Variants in CACNA1E observed in about 807,000 individuals in gnomAD.
The protein encoded by CACNA1E is calcium voltage-gated channel subunit alpha1 E, also known as voltage-dependent R-type calcium channel subunit alpha-1E.
CACNA1E carries 40 observed loss-of-function variants against 259.2 expected under a neutral mutation model. The ratio of observed to expected loss-of-function variants is 0.15; its 90% CI spans 0.12 to 0.20. The LOEUF is 0.20. Ranked by LOEUF, CACNA1E falls within the 10% of genes least tolerant of loss-of-function variation. The pLI, the probability that CACNA1E is intolerant of heterozygous loss-of-function variation, is 1.00. For synonymous variants in CACNA1E, 1,104 were observed against 1,138.5 expected, an observed-to-expected ratio of 0.97 and a Z score of 0.61; for missense variants, 1,874 against 3,040.1, an observed-to-expected ratio of 0.62 and a Z score of 9.02.
intron 7 of CACNA1E, among the ~76,000 whole-genome samples, chr1:181,664,532 C>T (rs1030725992): frequency 3.8e-4 from 58 of 152,128 alleles, no homozygotes; most frequent in African/African-American, 1.4e-3. Flanking sequence ...GTATTGATAA[C>T]GCTATGGGCT....
At chr1:181,728,194 T>C (rs1278355708) in intron 18 of CACNA1E, among the ~76,000 whole-genome samples, 1 of 152,152 alleles carries the variant, frequency 6.6e-6, no homozygotes. Flanking sequence ...TGGGTAGGAC[T>C]GGCTGTCACT....
chr1:181,785,776 G>A lies in CACNA1E; in HGVS notation c.5743G>A (p.Ala1915Thr). 1.2e-6 allele frequency: 2 copies of A among 1,612,802 alleles called. No homozygotes were observed. Among genetic ancestry groups the A allele is most frequent in the Non-Finnish European group, 1.7e-6 (2 of 1,179,578 alleles). The change falls in exon 43 of 48, where the codon GCC (alanine) becomes ACC (threonine). Residue 1915 changes from alanine (A) to threonine (T), a missense_variant. Ala to Thr is a moderately conservative substitution (Grantham distance 58). This residue lies in a region of CACNA1E where 542 missense variants were observed against 587.2 expected (regional missense o/e 0.92). Coordinates refer to ENST00000367573, the MANE Select transcript of CACNA1E (RefSeq NM_001205293.3). ...SSLPQEIIANAKALPYLQQDP... is the reference protein window; with the variant it reads ...SSLPQEIIANTKALPYLQQDP... ...TCTGCCTCAGGAGATCATTGCTAAT[G>A]CCAAAGCCCTGCCTTACCTCCAGCA...
intron 1 of CACNA1E, among the ~76,000 whole-genome samples, chr1:181,322,399 A>G (rs1650429392): frequency 6.6e-6 from 1 of 152,210 alleles, no homozygotes; most frequent in African/African-American, 2.4e-5. Context: ...CATTGGACCA[A>G]GTATACATGT....
At chr1:181,632,030 T>C (rs1656795543) in intron 6 of CACNA1E, among the ~76,000 whole-genome samples, 1 of 152,206 alleles carries the variant, frequency 6.6e-6, no homozygotes, top group Non-Finnish European at 1.5e-5. Flanking sequence ...ATCTGTCTGA[T>C]ATTCTAAAAG....
At chr1:181,497,970 TC>T (rs111502783) in intron 1 of CACNA1E, among the ~76,000 whole-genome samples, 1 of 151,974 alleles carries the variant, frequency 6.6e-6, no homozygotes. Flanking sequence ...ATTTTGTCTT[TC>T]CCCCGCCAAA....
chr1:181,501,606 G>A (rs1665253482), intron 1 of CACNA1E, among the ~76,000 whole-genome samples: 1 of 152,094 alleles, frequency 6.6e-6, no homozygotes, highest in African/African-American at 2.4e-5. Context: ...GGCCTTTTGG[G>A]GAGTTCTCTG....
At chr1:181,599,901 A>G (rs556622588) in intron 6 of CACNA1E, among the ~76,000 whole-genome samples, 12 of 152,368 alleles carry the variant, frequency 7.9e-5, no homozygotes, top group African/African-American at 2.9e-4. Context: ...GCTAGGAGTC[A>G]GGGATATAGT....
intron 6 of CACNA1E, among the ~76,000 whole-genome samples, chr1:181,610,484 G>C (rs1176129370): frequency 6.6e-6 from 1 of 152,218 alleles, no homozygotes; most frequent in African/African-American, 2.4e-5. Context: ...AGTGTGGTCT[G>C]TCTTTGGCTT....
At chr1:181,631,728 G>T (rs957066672) in intron 6 of CACNA1E, among the ~76,000 whole-genome samples, 1 of 152,220 alleles carries the variant, frequency 6.6e-6, no homozygotes, top group Non-Finnish European at 1.5e-5. Flanking sequence ...AGCTTCCAGG[G>T]ATTAGACTGA....
intron 1 of CACNA1E, among the ~76,000 whole-genome samples, chr1:181,388,152 C>T (rs150926632): frequency 2.2e-3 from 329 of 152,294 alleles, no homozygotes; most frequent in Non-Finnish European, 3.5e-3. Context: ...AGCCAGAGCA[C>T]GGCCATCGCT....
intron 3 of CACNA1E, among the ~76,000 whole-genome samples, chr1:181,567,241 C>T (rs909060857): frequency 6.6e-6 from 1 of 152,158 alleles, no homozygotes; most frequent in East Asian, 1.9e-4. Flanking sequence ...TTGTTAAATA[C>T]AGTACTCTTT....
intron 6 of CACNA1E, among the ~76,000 whole-genome samples, chr1:181,608,224 A>G (rs1654413870): frequency 6.6e-6 from 1 of 152,036 alleles, no homozygotes; most frequent in Non-Finnish European, 1.5e-5. Flanking sequence ...AGGGGCAGGT[A>G]AGTGGAGAAT....
chr1:181,710,521 A>G (rs1653243498), intron 7 of CACNA1E, among the ~76,000 whole-genome samples: 1 of 152,180 alleles, frequency 6.6e-6, no homozygotes, highest in Non-Finnish European at 1.5e-5. Flanking sequence ...AATGGGTGTA[A>G]AAACCTTGAT....
At chr1:181,331,567 G>A (rs1193933175) in intron 1 of CACNA1E, among the ~76,000 whole-genome samples, 1 of 152,242 alleles carries the variant, frequency 6.6e-6, no homozygotes, top group Non-Finnish European at 1.5e-5. Flanking sequence ...TTAAAGGTAC[G>A]CTTTCCCCAC....
At chr1:181,601,041 A>C (rs965918677) in intron 6 of CACNA1E, among the ~76,000 whole-genome samples, 3 of 152,022 alleles carry the variant, frequency 2.0e-5, no homozygotes, top group African/African-American at 7.2e-5. Context: ...GCCCAAATTT[A>C]GTGTTGTTGC....
chr1:181,782,482 C>T (rs1660509751), intron 39 of CACNA1E, among the ~76,000 whole-genome samples: 1 of 152,224 alleles, frequency 6.6e-6, no homozygotes, highest in African/African-American at 2.4e-5. Flanking sequence ...TTCCACTTCT[C>T]TAGATGTTTA....
chr1:181,764,129 A>G (rs1391004888), intron 34 of CACNA1E, among the ~76,000 whole-genome samples: 1 of 152,224 alleles, frequency 6.6e-6, no homozygotes, highest in African/African-American at 2.4e-5. Context: ...TTTCCTCTGC[A>G]CAGTCTCGTG....
chr1:181,598,616 C>T (rs1442245463), intron 6 of CACNA1E, among the ~76,000 whole-genome samples: 1 of 152,144 alleles, frequency 6.6e-6, no homozygotes, highest in Non-Finnish European at 1.5e-5. Context: ...TACAGAGTTC[C>T]TTCTATCAGG....
chr1:181,461,882 C>T (rs1016347124), intron 2 of CACNA1E, among the ~76,000 whole-genome samples: 2 of 151,838 alleles, frequency 1.3e-5, no homozygotes, highest in African/African-American at 2.4e-5. Flanking sequence ...TACAACTGAT[C>T]GTTAATAATG....
Sources: allele counts gnomAD v4.1 joint callset (sites outside exome capture counted in the v4.1 genomes callset), GRCh38; gene constraint gnomAD v4.1.1; regional missense constraint gnomAD v4.1.1; transcripts MANE v1.5; gene names NCBI Gene and HGNC (gene_info 2026-07-23, HGNC 2026-07-21).